GUCY2C: variants seen among roughly 807,000 people sequenced by gnomAD.
The protein encoded by GUCY2C is guanylate cyclase 2C, also known as guanylyl cyclase C.
A neutral mutation model predicts 131.1 loss-of-function variants in GUCY2C; 118 were observed. That is an observed-to-expected ratio of 0.90 (90% CI 0.78 to 1.05). The LOEUF is 1.05. Ranked by LOEUF, GUCY2C falls within the 50% of genes least tolerant of loss-of-function variation. GUCY2C has a pLI of 0.00. For missense variants in GUCY2C, 1,161 were observed against 1,304.4 expected (o/e 0.89, Z 1.69); for synonymous variants, 452 against 457.8 (o/e 0.99, Z 0.16).
Position 14,669,782 on chromosome 12 carries a change from C to A in GUCY2C, c.1222G>T (p.Asp408Tyr). 1 of 1,606,832 alleles carries A rather than the reference C, an allele frequency of 6.2e-7. No homozygotes were observed. Among genetic ancestry groups the A allele is most frequent in the Non-Finnish European group, 8.5e-7 (1 of 1,174,468 alleles). ...DTHVNKTYPV[D>Y]MSPTFTWKNS... is the part of the protein sequence containing the mutation. ...TTCCAAGTGAATGTGGGGCTCATAT[C>A]CACAGGATAGGTCTTATTTACGTGG... The change falls in exon 10 of 27, where the codon GAT becomes TAT. Residue 408 changes from aspartate (D) to tyrosine (Y), a missense_variant. Physicochemically the swap from Asp to Tyr is radical, Grantham distance 160 (BLOSUM62 -3). Coordinates refer to ENST00000261170, the MANE Select transcript of GUCY2C (RefSeq NM_004963.4).
chr12:14,621,654 T>C (rs1946899385), intron 22 of GUCY2C, among the ~76,000 whole-genome samples: 1 of 152,212 alleles, frequency 6.6e-6, no homozygotes, highest in Non-Finnish European at 1.5e-5. Flanking sequence ...GATTTTCTAT[T>C]TATTATAACC....
In GUCY2C at chr12:14,683,036, G is replaced by C. The variant is rs370698686; in HGVS notation, c.611+6C>G. ...GTGCTAGTGAAATATTAATGATCCT[G>C]CTTACCAGAAACAGTCCTCAGTTTC... On this transcript the variant is annotated splice_donor_region_variant and intron_variant, in intron 4 of 26. Transcript: ENST00000261170. 12 of 1,590,376 alleles carry C rather than the reference G, an allele frequency of 7.5e-6. No homozygotes were observed. Among genetic ancestry groups the C allele is most frequent in the Middle Eastern group, 1.7e-4 (1 of 6,010 alleles).
intron 19 of GUCY2C, among the ~76,000 whole-genome samples, chr12:14,635,392 A>G (rs1179387037): frequency 6.6e-6 from 1 of 152,192 alleles, no homozygotes; most frequent in Non-Finnish European, 1.5e-5. Flanking sequence ...ATTAGGAGAA[A>G]TTATAAAAAA....
chr12:14,627,280 ATGTT>A (rs1481381393), intron 20 of GUCY2C, among the ~76,000 whole-genome samples: 4 of 152,200 alleles, frequency 2.6e-5, no homozygotes, highest in Non-Finnish European at 5.9e-5. Flanking sequence ...ATGGGGAGAG[ATGTT>A]TGTTAAAAAT....
chr12:14,656,031 G>A (rs1390385356), intron 12 of GUCY2C, among the ~76,000 whole-genome samples: 1 of 152,154 alleles, frequency 6.6e-6, no homozygotes. Context: ...GACAGCATAG[G>A]TCCTGCATTG....
intron 3 of GUCY2C, 116 bp downstream of exon 3, chr12:14,686,045 G>T: frequency 1.5e-6 from 1 of 663,298 alleles, no homozygotes; most frequent in Non-Finnish European, 2.7e-6. Context: ...TGGGGAGATG[G>T]CAAAATACTA....
chr12:14,660,788 A>C (rs1196843858), intron 11 of GUCY2C, among the ~76,000 whole-genome samples, 193 bp downstream of exon 11: 1 of 152,214 alleles, frequency 6.6e-6, no homozygotes, highest in African/African-American at 2.4e-5. Context: ...CTTTGGCTTC[A>C]AAGCCCTAAT....
At chr12:14,695,109 A>G (rs1260541308) in intron 1 of GUCY2C, among the ~76,000 whole-genome samples, 2 of 152,150 alleles carry the variant, frequency 1.3e-5, no homozygotes, top group African/African-American at 2.4e-5. Flanking sequence ...CGCTCTAGGA[A>G]AGTCACTTGT....
At chr12:14,692,866 A>G (rs1458206849) in intron 1 of GUCY2C, among the ~76,000 whole-genome samples, 1 of 152,148 alleles carries the variant, frequency 6.6e-6, no homozygotes, top group Non-Finnish European at 1.5e-5. Flanking sequence ...ATAAATAAAT[A>G]AAGAGGTCCT....
At chr12:14,641,245 A>G in intron 17 of GUCY2C, 26 bp from the exon 18 acceptor site, 2 of 1,611,254 alleles carry the variant, frequency 1.2e-6, no homozygotes, top group Non-Finnish European at 1.7e-6. Context: ...TTGAGATTAC[A>G]AAGTTGAGGG....
chr12:14,641,003 G>T, intron 18 of GUCY2C, 79 bp downstream of exon 18: 1 of 1,300,414 alleles, frequency 7.7e-7, no homozygotes. Flanking sequence ...TGTGGTTACA[G>T]ACAGATTAGG....
intron 8 of GUCY2C, chr12:14,674,373 A>G (rs1232892679): frequency 7.7e-5 from 39 of 508,430 alleles, no homozygotes; most frequent in South Asian, 7.6e-4. Flanking sequence ...GAGCTTGTTC[A>G]TAAGTACAGA....
intron 16 of GUCY2C, among the ~76,000 whole-genome samples, chr12:14,644,410 T>G (rs1454595451): frequency 6.6e-6 from 1 of 152,226 alleles, no homozygotes; most frequent in Non-Finnish European, 1.5e-5. Context: ...TTTTGGCTGA[T>G]GTGCTTCTCT....
In GUCY2C at chr12:14,625,785, C is replaced by G; in HGVS notation, c.2380G>C (p.Asp794His). The change falls in exon 21 of 27, where the codon GAC (aspartate) becomes CAC (histidine). Residue 794 changes from aspartate to histidine, a missense_variant. By Grantham distance (81) the Asp-to-His change is moderately conservative (BLOSUM62 -1). Transcript: ENST00000261170. ...QLYKAERDRA[D>H]RLNFMLLPRL... ...GGAAGCAACATAAAGTTAAGTCTGT[C>G]AGCCCTGTCCCTCTCTGCCTTGTAC... 6 of 1,614,046 alleles carry G rather than the reference C, an allele frequency of 3.7e-6. No individual in the cohort carries two copies. Among genetic ancestry groups the G allele is most frequent in the Non-Finnish European group, 5.1e-6 (6 of 1,179,928 alleles).
intron 21 of GUCY2C, 21 bp downstream of exon 21, chr12:14,625,736 C>T: frequency 6.2e-7 from 1 of 1,611,960 alleles, no homozygotes; most frequent in Non-Finnish European, 8.5e-7. Context: ...TCAGCCTCCA[C>T]ATCAGCAAGG....
intron 12 of GUCY2C, among the ~76,000 whole-genome samples, chr12:14,653,466 C>G (rs1286614012): frequency 1.3e-5 from 2 of 152,248 alleles, no homozygotes; most frequent in Non-Finnish European, 2.9e-5. Context: ...GCTCTGGGTT[C>G]AGCCCGAAGT....
At chr12:14,691,916 C>G (rs749677242) in intron 1 of GUCY2C, among the ~76,000 whole-genome samples, 9 of 152,182 alleles carry the variant, frequency 5.9e-5, no homozygotes, top group Non-Finnish European at 1.0e-4. Context: ...TTAATCCTCT[C>G]TGAATCCTTC....
intron 22 of GUCY2C, among the ~76,000 whole-genome samples, chr12:14,621,735 T>C (rs1189127273): frequency 1.3e-5 from 2 of 152,238 alleles, no homozygotes; most frequent in Non-Finnish European, 2.9e-5. Flanking sequence ...TTTAAGAGTA[T>C]GCCATTTTGT....
At chr12:14,647,771 G>A in intron 15 of GUCY2C, among the ~76,000 whole-genome samples, 1 of 151,592 alleles carries the variant, frequency 6.6e-6, no homozygotes, top group Non-Finnish European at 1.5e-5. Context: ...ATATTAAGGA[G>A]GATTTTTTGA....
Sources: allele counts gnomAD v4.1 joint callset (sites outside exome capture counted in the v4.1 genomes callset), GRCh38; gene constraint gnomAD v4.1.1; transcripts MANE v1.5; gene names NCBI Gene and HGNC (gene_info 2026-07-23, HGNC 2026-07-21).